The following WDR49 variants were observed in gnomAD, a reference collection of about 807,000 sequenced individuals.
WDR49 encodes cilia- and flagella-associated protein 337.
Under a neutral mutation model 119.5 loss-of-function variants are expected in WDR49, and 107 were observed. That is an observed-to-expected ratio of 0.90 (90% CI 0.77 to 1.05). The LOEUF (loss-of-function observed/expected upper bound fraction) is 1.05. WDR49 is among the 50% of genes least tolerant of loss of function. The probability of loss-of-function intolerance (pLI) is 0.00; values close to 1 mark genes in which losing one functional copy is unlikely to be tolerated. For synonymous variants in WDR49, 425 were observed against 418.8 expected (o/e 1.01, Z -0.18); for missense variants, 1,240 against 1,220.5 (o/e 1.02, Z -0.24).
intron 2 of WDR49, among the ~76,000 whole-genome samples, chr3:167,634,618 G>A (rs1717531910): frequency 6.6e-6 from 1 of 151,670 alleles, no homozygotes; most frequent in African/African-American, 2.4e-5. Context: ...TCTGAGCTTT[G>A]TAAGATTTGG....
At chr3:167,603,961 T>G (rs1170151767) in intron 6 of WDR49, among the ~76,000 whole-genome samples, 2 of 152,018 alleles carry the variant, frequency 1.3e-5, no homozygotes, top group African/African-American at 4.8e-5. Flanking sequence ...TGCATTTGTT[T>G]GGGTGGAGCA....
intron 2 of WDR49, among the ~76,000 whole-genome samples, chr3:167,632,193 T>G (rs1055385843): frequency 6.6e-6 from 1 of 152,122 alleles, no homozygotes; most frequent in African/African-American, 2.4e-5. Flanking sequence ...AGGATCTCTA[T>G]ATTTTCTTCC....
In WDR49 at chr3:167,620,485, T is replaced by C; in HGVS notation, c.902A>G (p.His301Arg). The change falls in exon 5 of 19, where the codon CAC (histidine) becomes CGC (arginine). Residue 301 changes from histidine to arginine, a missense_variant. Coordinates refer to ENST00000682715, the MANE Select transcript of WDR49 (RefSeq NM_001366157.1). Reference protein sequence around the residue: ...INWAELLSGCHKCCHILEHKL... With the variant: ...INWAELLSGCRKCCHILEHKL... ...ATGCTCTAATATATGGCAACATTTGTGACATCCAGAGAGCAGCTCTGCCCA... is the reference window on the plus strand; with the variant it reads ...ATGCTCTAATATATGGCAACATTTGCGACATCCAGAGAGCAGCTCTGCCCA... 1 of 1,536,200 alleles carries C rather than the reference T, an allele frequency of 6.5e-7. No homozygotes were observed.
intron 2 of WDR49, among the ~76,000 whole-genome samples, chr3:167,628,200 T>C (rs1188969319): frequency 6.6e-6 from 1 of 152,026 alleles, no homozygotes; most frequent in African/African-American, 2.4e-5. Flanking sequence ...ACAAAAATAT[T>C]GAAATTAAGC....
intron 16 of WDR49, among the ~76,000 whole-genome samples, chr3:167,518,649 A>C (rs1459456565): frequency 6.6e-6 from 1 of 151,526 alleles, no homozygotes; most frequent in Non-Finnish European, 1.5e-5. Flanking sequence ...TTGTCAGATG[A>C]GTAGGTTGCA....
intron 18 of WDR49, among the ~76,000 whole-genome samples, chr3:167,488,026 T>TA (rs1323611080): frequency 6.6e-6 from 1 of 151,912 alleles, no homozygotes; most frequent in Non-Finnish European, 1.5e-5. Context: ...CTACTGGAAA[T>TA]ACACCAAAAG....
chr3:167,651,010 A>G (rs1424295087), intron 2 of WDR49, among the ~76,000 whole-genome samples: 1 of 152,198 alleles, frequency 6.6e-6, no homozygotes, highest in Non-Finnish European at 1.5e-5. Context: ...TGATCCATTT[A>G]TACAACTGCA....
rs566556506 is a variant in WDR49, at chr3:167,616,944, T to C, written c.958+3485A>G. On this transcript the variant is annotated intron_variant, in intron 5 of 18. Transcript: ENST00000682715. Reference sequence around the variant, plus strand: ...TTTCCATTTATATGTAAATGTAATTTTCATGTGAGGCATTCAAATTTCCTT... The same window carrying C: ...TTTCCATTTATATGTAAATGTAATTCTCATGTGAGGCATTCAAATTTCCTT... Among the ~76,000 whole-genome samples, 4 of 152,322 alleles carry C rather than the reference T, an allele frequency of 2.6e-5. No homozygotes were observed. The South Asian group carries it at 8.3e-4, about 32-fold the overall frequency.
Position 167,553,880 on chromosome 3 carries a change from C to T in WDR49, c.1823+770G>A, listed in dbSNP as rs146603688. Among the ~76,000 whole-genome samples the T allele has an allele frequency of 8.5e-4, 129 of 152,126 alleles. 1 individual carries two copies. Among genetic ancestry groups the T allele is most frequent in the African/African-American group, 2.8e-3 (115 of 41,518 alleles). On this transcript the variant is annotated intron_variant, in intron 10 of 18. Transcript: ENST00000682715. ...ACATTTGCATTAGAAAAAACTCTTC[C>T]CTGTGATTGATAAAAATCCCCAAAT...
At chr3:167,627,344 T>C in intron 2 of WDR49, 52 bp from the exon 3 acceptor site, 1 of 1,219,426 alleles carries the variant, frequency 8.2e-7, no homozygotes, top group Non-Finnish European at 1.0e-6. Flanking sequence ...AATCATCATA[T>C]GCATGAGAGA....
At chr3:167,623,801 A>G (rs1308873771) in intron 3 of WDR49, among the ~76,000 whole-genome samples, 2 of 152,032 alleles carry the variant, frequency 1.3e-5, no homozygotes, top group Non-Finnish European at 2.9e-5. Context: ...GATATTATAT[A>G]TAGGAAATTT....
chr3:167,628,309 G>A lies in WDR49; in HGVS notation c.166-1017C>T, dbSNP rs552816998. Among the ~76,000 whole-genome samples the A allele has an allele frequency of 7.2e-5, 11 of 152,140 alleles. No homozygotes were observed. The South Asian group carries it at 2.3e-3, about 32-fold the overall frequency. ...AAGCTAAAAATGATTAGGCTTAATGGGGAATGCATGTCAAAAGCTGAGAGA... is the reference window on the plus strand; with the variant it reads ...AAGCTAAAAATGATTAGGCTTAATGAGGAATGCATGTCAAAAGCTGAGAGA... On this transcript the variant is annotated intron_variant, in intron 2 of 18. Coordinates refer to ENST00000682715, the MANE Select transcript of WDR49 (RefSeq NM_001366157.1).
At chr3:167,600,581 C>T (rs1357319330) in intron 7 of WDR49, among the ~76,000 whole-genome samples, 1 of 152,148 alleles carries the variant, frequency 6.6e-6, no homozygotes, top group African/African-American at 2.4e-5. Flanking sequence ...CATGATCTTG[C>T]TCCATCCCTA....
chr3:167,535,536 AAGTG>A (rs1293291911), intron 11 of WDR49, among the ~76,000 whole-genome samples: 1 of 152,110 alleles, frequency 6.6e-6, no homozygotes, highest in Non-Finnish European at 1.5e-5. Flanking sequence ...AAAACAACCT[AAGTG>A]AGTGAGACAT....
chr3:167,582,563 T>G (rs1714592863), intron 7 of WDR49, among the ~76,000 whole-genome samples: 1 of 152,152 alleles, frequency 6.6e-6, no homozygotes, highest in Non-Finnish European at 1.5e-5. Flanking sequence ...GACTCGAATT[T>G]CCACTATGTG....
At chr3:167,562,127 A>T (rs1560286966) in intron 8 of WDR49, among the ~76,000 whole-genome samples, 2 of 152,160 alleles carry the variant, frequency 1.3e-5, no homozygotes, top group African/African-American at 4.8e-5. Flanking sequence ...GCTTTCATCA[A>T]TTATCATTGG....
At chr3:167,600,130 T>A (rs150699830) in intron 7 of WDR49, among the ~76,000 whole-genome samples, 181 of 152,172 alleles carry the variant, frequency 1.2e-3, no homozygotes, top group Middle Eastern at 3.4e-3. Flanking sequence ...ACAAAAGTCC[T>A]CTTTACTCAT....
intron 5 of WDR49, among the ~76,000 whole-genome samples, chr3:167,604,918 G>A (rs1443951342): frequency 1.3e-5 from 2 of 152,092 alleles, no homozygotes; most frequent in Admixed American, 6.5e-5. Context: ...AGAACTGTGA[G>A]AATAAATTTC....
intron 7 of WDR49, among the ~76,000 whole-genome samples, chr3:167,599,937 T>A (rs1048282672): frequency 7.2e-5 from 11 of 152,132 alleles, no homozygotes; most frequent in Non-Finnish European, 1.5e-4. Context: ...GCTCAAGGAC[T>A]CTTTAGTCAA....
Sources: allele counts gnomAD v4.1 joint callset (sites outside exome capture counted in the v4.1 genomes callset), GRCh38; gene constraint gnomAD v4.1.1; transcripts MANE v1.5; gene names NCBI Gene and HGNC (gene_info 2026-07-23, HGNC 2026-07-21).